The following ENDOD1 variants were observed in gnomAD, a reference collection of about 807,000 sequenced individuals.
ENDOD1 encodes endonuclease domain-containing 1 protein.
Under a neutral mutation model 6.5 loss-of-function variants are expected in ENDOD1, and 9 were observed. That is an observed-to-expected ratio of 1.39 (90% CI 0.84 to 2.43). The LOEUF is 2.43. Ranked by LOEUF, ENDOD1 falls within the 30% of genes most tolerant of loss-of-function variation. ENDOD1 has a pLI of 0.00. For missense variants in ENDOD1, 648 were observed against 635.5 expected (o/e 1.02, Z -0.21); for synonymous variants, 255 against 255.2 (o/e 1.00, Z 0.01).
At chr11:95,098,084 G>A (rs908381188) in intron 1 of ENDOD1, among the ~76,000 whole-genome samples, 1 of 151,964 alleles carries the variant, frequency 6.6e-6, no homozygotes. Context: ...TCCTTTGAAT[G>A]TCATGTCAGT....
intron 1 of ENDOD1, among the ~76,000 whole-genome samples, chr11:95,108,534 C>CACACACACACACACAAAA (rs1176686943): frequency 1.4e-5 from 2 of 141,756 alleles, no homozygotes; most frequent in African/African-American, 5.1e-5. Context: ...CACAGACACC[C>CACACACACACACACAAAA]AAAAAAAGAA....
intron 1 of ENDOD1, among the ~76,000 whole-genome samples, chr11:95,112,675 T>C (rs553717347): frequency 6.6e-6 from 1 of 152,362 alleles, no homozygotes; most frequent in Admixed American, 6.5e-5. Flanking sequence ...TGTCAACATC[T>C]TGCATATCCT....
chr11:95,091,938 T>A (rs1192662662), intron 1 of ENDOD1, among the ~76,000 whole-genome samples: 1 of 152,146 alleles, frequency 6.6e-6, no homozygotes, highest in East Asian at 1.9e-4. Flanking sequence ...ATTTAATGAG[T>A]TACCATATAT....
intron 1 of ENDOD1, among the ~76,000 whole-genome samples, chr11:95,094,126 T>C (rs1858957703): frequency 6.8e-6 from 1 of 148,124 alleles, no homozygotes; most frequent in South Asian, 2.1e-4. Flanking sequence ...ATATATAAAT[T>C]ATATAATTAA....
intron 1 of ENDOD1, among the ~76,000 whole-genome samples, chr11:95,119,634 G>A (rs1039856530): frequency 5.3e-5 from 8 of 152,198 alleles, no homozygotes; most frequent in Non-Finnish European, 1.2e-4. Context: ...ACAGTACTTG[G>A]TTCATCCACA....
intron 1 of ENDOD1, among the ~76,000 whole-genome samples, chr11:95,105,590 TC>T (rs1859081657): frequency 6.6e-6 from 1 of 152,084 alleles, no homozygotes; most frequent in East Asian, 1.9e-4. Flanking sequence ...AGCCCACCCT[TC>T]CCCAGTGAGT....
chr11:95,096,863 A>C (rs572599950), intron 1 of ENDOD1, among the ~76,000 whole-genome samples: 2 of 152,346 alleles, frequency 1.3e-5, no homozygotes, highest in South Asian at 2.1e-4. Context: ...TTATAAAATA[A>C]ATAAATAAAA....
intron 1 of ENDOD1, among the ~76,000 whole-genome samples, chr11:95,114,101 C>T (rs1347530005): frequency 6.6e-6 from 1 of 152,128 alleles, no homozygotes; most frequent in Non-Finnish European, 1.5e-5. Flanking sequence ...ATCTTTTGCT[C>T]ATTTTTTATG....
chr11:95,106,687 T>TAG (rs2134165973), intron 1 of ENDOD1, among the ~76,000 whole-genome samples: 1 of 152,324 alleles, frequency 6.6e-6, no homozygotes, highest in East Asian at 1.9e-4. Context: ...TTTTGTTCTC[T>TAG]ACCTTGGCAT....
intron 1 of ENDOD1, among the ~76,000 whole-genome samples, chr11:95,102,505 C>T (rs996054560): frequency 1.3e-5 from 2 of 151,476 alleles, no homozygotes; most frequent in East Asian, 3.9e-4. Flanking sequence ...AACCCTGTCT[C>T]TACTAAAATT....
At chr11:95,101,520 G>T (rs1555110876) in intron 1 of ENDOD1, among the ~76,000 whole-genome samples, 1 of 146,086 alleles carries the variant, frequency 6.8e-6, no homozygotes, top group Non-Finnish European at 1.6e-5. Context: ...ACAATACTTA[G>T]TTTTTTAAGA....
At chr11:95,103,206 T>A (rs1555111104) in intron 1 of ENDOD1, among the ~76,000 whole-genome samples, 1 of 151,706 alleles carries the variant, frequency 6.6e-6, no homozygotes, top group Non-Finnish European at 1.5e-5. Context: ...AAGACAAGAG[T>A]TTATCATGAC....
chr11:95,121,699 C>A (rs1198168104), intron 1 of ENDOD1, among the ~76,000 whole-genome samples: 1 of 151,990 alleles, frequency 6.6e-6, no homozygotes, highest in Non-Finnish European at 1.5e-5. Flanking sequence ...ACAGATCAGC[C>A]CTTTGAGATA....
chr11:95,126,897 G>C lies in ENDOD1; in HGVS notation c.301-1480G>C, dbSNP rs183815587. ...AATGGGGTTTCGCCATGTTGCCCAGGCTGGTCTCAAATGCCTGAGTTTAGG... is the reference window on the plus strand; with the variant it reads ...AATGGGGTTTCGCCATGTTGCCCAGCCTGGTCTCAAATGCCTGAGTTTAGG... On this transcript the variant is annotated intron_variant, in intron 1 of 1. Transcript: ENST00000278505. Among the ~76,000 whole-genome samples the C allele has an allele frequency of 7.6e-4, 116 of 152,216 alleles. 1 individual carries two copies. Among genetic ancestry groups the C allele is most frequent in the Non-Finnish European group, 1.3e-3 (91 of 68,016 alleles).
chr11:95,094,067 G>T (rs1200711519), intron 1 of ENDOD1, among the ~76,000 whole-genome samples: 1 of 151,280 alleles, frequency 6.6e-6, no homozygotes, highest in Admixed American at 6.6e-5. Context: ...ATTTATGCCA[G>T]AAGCCAACAT....
intron 1 of ENDOD1, among the ~76,000 whole-genome samples, chr11:95,121,542 G>A (rs1859261983): frequency 6.6e-6 from 1 of 152,108 alleles, no homozygotes; most frequent in African/African-American, 2.4e-5. Flanking sequence ...ATGGGTGAAT[G>A]TTTCCCCTCC....
chr11:95,122,906 G>A (rs1859275601), intron 1 of ENDOD1, among the ~76,000 whole-genome samples: 1 of 152,082 alleles, frequency 6.6e-6, no homozygotes, highest in African/African-American at 2.4e-5. Flanking sequence ...AAGGTCCTAG[G>A]GGCCGGGCGC....
intron 1 of ENDOD1, among the ~76,000 whole-genome samples, chr11:95,122,854 A>G (rs998887486): frequency 2.6e-5 from 4 of 152,202 alleles, no homozygotes; most frequent in African/African-American, 9.6e-5. Context: ...TAGTGAGCAA[A>G]TGGGCATTTT....
At chr11:95,092,582 T>TA in intron 1 of ENDOD1, among the ~76,000 whole-genome samples, 1 of 152,060 alleles carries the variant, frequency 6.6e-6, no homozygotes, top group Admixed American at 6.5e-5. Flanking sequence ...TGCTGAGAGG[T>TA]CAGAATGGTC....
Sources: gnomAD v4.1 joint callset for allele counts (sites outside exome capture counted in the v4.1 genomes callset) on GRCh38, gnomAD v4.1.1 for gene constraint, MANE v1.5 for transcripts, NCBI Gene and HGNC (gene_info 2026-07-23, HGNC 2026-07-21) for gene names.